The following ANK2 variants were observed in gnomAD, a reference collection of about 807,000 sequenced individuals.
ANK2 encodes the protein ankyrin-2.
A neutral mutation model predicts 360.5 loss-of-function variants in ANK2; 83 were observed. The ratio of observed to expected loss-of-function variants is 0.23; its 90% CI spans 0.19 to 0.28. The LOEUF is 0.28. Among genes scored for constraint, ANK2 ranks in the 10% least tolerant of loss-of-function variants. The pLI, the probability that ANK2 is intolerant of heterozygous loss-of-function variation, is 1.00. For synonymous variants in ANK2, 1,740 were observed against 1,759.5 expected, an observed-to-expected ratio of 0.99 and a Z score of 0.28; for missense variants, 4,201 against 4,795.7, an observed-to-expected ratio of 0.88 and a Z score of 3.66.
chr4:112,747,393 TA>T, the ANK2 span, among the ~76,000 whole-genome samples: 1 of 152,238 alleles, frequency 6.6e-6, no homozygotes, highest in Admixed American at 6.5e-5. Flanking sequence ...ACTTTAAATG[TA>T]AAAATCACAT....
the ANK2 span, among the ~76,000 whole-genome samples, chr4:112,724,503 T>G: frequency 1.3e-5 from 2 of 151,072 alleles, no homozygotes; most frequent in Non-Finnish European, 2.9e-5. Flanking sequence ...GAGTTTACAT[T>G]CTAGTAAAAG....
chr4:112,956,642 A>T (rs934807959), intron 2 of ANK2, among the ~76,000 whole-genome samples: 3 of 152,222 alleles, frequency 2.0e-5, no homozygotes, highest in Admixed American at 2.0e-4. Flanking sequence ...TCAAAATGGC[A>T]CGCAGTTTAA....
chr4:113,183,227 A>C (rs575993358), intron 2 of ANK2, among the ~76,000 whole-genome samples: 1 of 151,746 alleles, frequency 6.6e-6, no homozygotes, highest in African/African-American at 2.4e-5. Flanking sequence ...AGAGGAGGGG[A>C]TGGAGGTGGA....
At chr4:112,841,760 C>T (rs1385130529) in intron 1 of ANK2, among the ~76,000 whole-genome samples, 1 of 152,122 alleles carries the variant, frequency 6.6e-6, no homozygotes, top group Non-Finnish European at 1.5e-5. Flanking sequence ...CAACAAACAC[C>T]CTCGCCTAGC....
upstream of ANK2, among the ~76,000 whole-genome samples, chr4:113,045,724 G>T (rs556714752): frequency 4.8e-4 from 73 of 152,160 alleles, no homozygotes; most frequent in African/African-American, 1.6e-3. Flanking sequence ...CAAATGTAAG[G>T]TATTATCATC....
At chr4:113,077,743 A>C (rs1300915274) in intron 1 of ANK2, among the ~76,000 whole-genome samples, 1 of 152,210 alleles carries the variant, frequency 6.6e-6, no homozygotes, top group Non-Finnish European at 1.5e-5. Context: ...TTCTGTGCAA[A>C]TCTTGTTCAC....
At chr4:113,312,390 T>C (rs1445538071) in intron 24 of ANK2, among the ~76,000 whole-genome samples, 1 of 152,224 alleles carries the variant, frequency 6.6e-6, no homozygotes, top group Non-Finnish European at 1.5e-5. Context: ...TAAGCTATTT[T>C]ATGAATATCC....
intron 1 of ANK2, among the ~76,000 whole-genome samples, chr4:113,166,554 G>A (rs561475040): frequency 3.1e-4 from 47 of 151,936 alleles, no homozygotes; most frequent in Non-Finnish European, 1.2e-4. Flanking sequence ...TATTTCATCA[G>A]AAATATCTTT....
At chr4:113,305,401 A>G (rs1587776754) in intron 23 of ANK2, among the ~76,000 whole-genome samples, 1 of 151,760 alleles carries the variant, frequency 6.6e-6, no homozygotes, top group South Asian at 2.1e-4. Flanking sequence ...GAGATAAGTT[A>G]TAACATTCTG....
At chr4:112,812,111 C>T in the ANK2 span, among the ~76,000 whole-genome samples, 2 of 148,692 alleles carry the variant, frequency 1.3e-5, no homozygotes, top group East Asian at 2.0e-4. Flanking sequence ...CTATGTGTTA[C>T]GCCAAAACAG....
intron 4 of ANK2, among the ~76,000 whole-genome samples, chr4:113,223,011 A>G (rs1226472514): frequency 6.6e-6 from 1 of 152,174 alleles, no homozygotes; most frequent in Non-Finnish European, 1.5e-5. Context: ...TACACAAAGT[A>G]GTCTTTATTT....
chr4:112,924,940 G>A (rs1020642630), intron 2 of ANK2, among the ~76,000 whole-genome samples: 1 of 149,784 alleles, frequency 6.7e-6, no homozygotes, highest in South Asian at 2.1e-4. Context: ...CCCGGTTCAC[G>A]CAATCCTACT....
intron 1 of ANK2, among the ~76,000 whole-genome samples, chr4:113,067,158 A>T (rs675127): frequency 0.23 from 35,531 of 151,886 alleles, 5,782 homozygotes; most frequent in African/African-American, 0.46. Context: ...GTCACTCTGG[A>T]GACTGCAGCG....
At position 113,356,197 on chromosome 4, in the gene ANK2, C is replaced by T. The variant is rs886059015; in HGVS notation, c.7579C>T (p.Leu2527Phe). Reference sequence around the variant, plus strand: ...GGATGACAGTCTTGAGCAGACATCGCTCATGGAGAGCTCAGGGAAGAGCCC... The same window carrying T: ...GGATGACAGTCTTGAGCAGACATCGTTCATGGAGAGCTCAGGGAAGAGCCC... ...AEDDSLEQTS[L>F]MESSGKSPLS... The change falls in exon 38 of 46, where the codon CTC (leucine) becomes TTC (phenylalanine). Residue 2527 changes from leucine (L) to phenylalanine (F), a missense_variant. By Grantham distance (22) the Leu-to-Phe change is conservative. Around this residue, in one of 4 missense-constraint regions of ANK2, gnomAD observed 2,642 missense variants for 2,714.5 expected, o/e 0.97. Transcript: ENST00000357077. 1 of 1,613,980 alleles carries T rather than the reference C, an allele frequency of 6.2e-7. No individual in the cohort carries two copies.
At chr4:112,724,606 C>T in the ANK2 span, among the ~76,000 whole-genome samples, 2 of 150,012 alleles carry the variant, frequency 1.3e-5, no homozygotes, top group Non-Finnish European at 3.0e-5. Context: ...CATCCCATAC[C>T]CATTAGAATG....
chr4:112,804,852 C>T, the ANK2 span, among the ~76,000 whole-genome samples: 2 of 151,806 alleles, frequency 1.3e-5, no homozygotes, highest in African/African-American at 2.4e-5. Context: ...ATACTAGATA[C>T]TCTGGAGGCT....
intron 2 of ANK2, among the ~76,000 whole-genome samples, chr4:113,014,262 A>G (rs2055766295): frequency 2.6e-5 from 4 of 152,260 alleles, no homozygotes; most frequent in Admixed American, 2.6e-4. Flanking sequence ...ATAGTCTAAA[A>G]GATAAAAAAG....
chr4:112,939,371 G>A (rs1330030444), intron 2 of ANK2, among the ~76,000 whole-genome samples: 1 of 152,174 alleles, frequency 6.6e-6, no homozygotes, highest in Non-Finnish European at 1.5e-5. Flanking sequence ...GTGCAGTGGT[G>A]TGATCTCGGC....
upstream of ANK2, among the ~76,000 whole-genome samples, chr4:113,048,248 G>GTGTATATATATATATATA (rs1252407907): frequency 5.5e-5 from 2 of 36,252 alleles, no homozygotes; most frequent in South Asian, 1.4e-3. Flanking sequence ...CTACAAGTGT[G>GTGTATATATATATATATA]TATATATATA....
Sources: gnomAD v4.1 joint callset for allele counts (sites outside exome capture counted in the v4.1 genomes callset) on GRCh38, gnomAD v4.1.1 for gene constraint, gnomAD v4.1.1 regional missense constraint, MANE v1.5 for transcripts, NCBI Gene and HGNC (gene_info 2026-07-23, HGNC 2026-07-21) for gene names.